The following ZNF148 variants were observed in gnomAD, a reference collection of about 807,000 sequenced individuals.
ZNF148 encodes the protein Beta-Enolase Repressor Factor-1.
In ZNF148, 7 loss-of-function variants were observed where a neutral mutation model predicts 67.7. The observed-to-expected ratio is 0.10, with a 90% CI of 0.06 to 0.19. The LOEUF is 0.19. Ranked by LOEUF, ZNF148 falls within the 10% of genes least tolerant of loss-of-function variation. The pLI is 1.00. For synonymous variants in ZNF148, 333 were observed against 330.7 expected, an observed-to-expected ratio of 1.01 and a Z score of -0.08; for missense variants, 583 against 947.1, an observed-to-expected ratio of 0.62 and a Z score of 5.05.
rs1560163737 is a variant in ZNF148, at chr3:125,313,540, C to G, written c.101G>C (p.Gly34Ala). The G allele has an allele frequency of 6.2e-7, 1 of 1,614,160 alleles. No individual in the cohort carries two copies. Among genetic ancestry groups the G allele is most frequent in the Non-Finnish European group, 8.5e-7 (1 of 1,180,016 alleles). Residue 34 changes from glycine (G) to alanine (A), a missense_variant, in exon 4 of 9, where the codon GGC becomes GCC. Gly to Ala is a moderately conservative substitution (Grantham distance 60). Around this residue, in one of 5 missense-constraint regions of ZNF148, gnomAD observed 150 missense variants for 202.5 expected, o/e 0.74. Transcript: ENST00000360647. The part of the protein sequence containing the change: ...RTMVVMGGVS[G>A]QSTVSGELQD... Reference sequence around the variant, plus strand: ...TAGCTCTCCAGACACAGTAGACTGGCCAGACACTCCACCCATTACAACCAT... The same window carrying G: ...TAGCTCTCCAGACACAGTAGACTGGGCAGACACTCCACCCATTACAACCAT...
At chr3:125,340,904 C>T (rs1026898647) in intron 1 of ZNF148, among the ~76,000 whole-genome samples, 14 of 142,200 alleles carry the variant, frequency 9.8e-5, no homozygotes, top group South Asian at 2.3e-4. Flanking sequence ...AGGAGAATGG[C>T]GTGAACCCAG....
intron 1 of ZNF148, among the ~76,000 whole-genome samples, chr3:125,337,543 T>A (rs1392444606): frequency 2.0e-5 from 3 of 152,206 alleles, no homozygotes; most frequent in Non-Finnish European, 4.4e-5. Flanking sequence ...TTGTAAATAA[T>A]CATGATACAC....
At chr3:125,345,639 A>ATAGCAGTACATCAGT (rs1485921091) in intron 1 of ZNF148, among the ~76,000 whole-genome samples, 3 of 152,120 alleles carry the variant, frequency 2.0e-5, no homozygotes, top group Middle Eastern at 6.3e-3. Flanking sequence ...TCAGGTATGA[A>ATAGCAGTACATCAGT]ACAGAACATC....
intron 5 of ZNF148, among the ~76,000 whole-genome samples, chr3:125,285,554 TA>T (rs371516524): frequency 2.4e-4 from 35 of 147,872 alleles, no homozygotes; most frequent in Admixed American, 4.1e-4. Context: ...GTTCTTTATT[TA>T]AAAAAAAAAA....
At chr3:125,335,508 TAA>T (rs1051772737) in intron 1 of ZNF148, among the ~76,000 whole-genome samples, 9 of 152,188 alleles carry the variant, frequency 5.9e-5, no homozygotes, top group South Asian at 2.1e-4. Flanking sequence ...GTCTTAACAA[TAA>T]AGAGATTCAA....
chr3:125,262,007 C>T (rs764239920), intron 7 of ZNF148, among the ~76,000 whole-genome samples: 1 of 152,044 alleles, frequency 6.6e-6, no homozygotes, highest in African/African-American at 2.4e-5. Context: ...TTTCACCATA[C>T]AGTTCTACTA....
chr3:125,345,471 A>G (rs1461002751), intron 1 of ZNF148, among the ~76,000 whole-genome samples: 2 of 152,164 alleles, frequency 1.3e-5, no homozygotes, highest in Admixed American at 1.3e-4. Flanking sequence ...GAAACTAAAA[A>G]AGAGCAAAAT....
At chr3:125,250,633 C>A (rs1936799124) in intron 7 of ZNF148, among the ~76,000 whole-genome samples, 1 of 152,176 alleles carries the variant, frequency 6.6e-6, no homozygotes, top group Non-Finnish European at 1.5e-5. Context: ...TAAGTTGTTA[C>A]TAGTGTCTGG....
chr3:125,301,021 T>C (rs1265363671), intron 4 of ZNF148, among the ~76,000 whole-genome samples: 1 of 152,124 alleles, frequency 6.6e-6, no homozygotes, highest in Non-Finnish European at 1.5e-5. Context: ...TATAGTGCTA[T>C]CTAATAAAAT....
At chr3:125,253,771 T>G (rs1233312230) in intron 7 of ZNF148, among the ~76,000 whole-genome samples, 1 of 152,178 alleles carries the variant, frequency 6.6e-6, no homozygotes, top group Non-Finnish European at 1.5e-5. Flanking sequence ...AAAGTTGATG[T>G]TGTCATGATA....
chr3:125,296,579 A>C (rs1414200031), intron 4 of ZNF148, among the ~76,000 whole-genome samples: 1 of 152,236 alleles, frequency 6.6e-6, no homozygotes, highest in African/African-American at 2.4e-5. Context: ...CTCATACACT[A>C]CTAGAGGGTC....
chr3:125,310,397 A>G (rs907670496), intron 4 of ZNF148, among the ~76,000 whole-genome samples: 1 of 152,190 alleles, frequency 6.6e-6, no homozygotes, highest in African/African-American at 2.4e-5. Flanking sequence ...AAATCTTAAC[A>G]GAAATTTTAA....
chr3:125,305,880 G>A (rs1939852274), intron 4 of ZNF148, among the ~76,000 whole-genome samples: 1 of 150,512 alleles, frequency 6.6e-6, no homozygotes. Context: ...ACCAACAATA[G>A]CCAGAATACA....
chr3:125,240,166 T>TC (rs1321448955), intron 7 of ZNF148, among the ~76,000 whole-genome samples: 1 of 152,222 alleles, frequency 6.6e-6, no homozygotes, highest in Non-Finnish European at 1.5e-5. Context: ...GTTATTTTTT[T>TC]CCCTCAAGGA....
intron 4 of ZNF148, among the ~76,000 whole-genome samples, chr3:125,297,303 A>T (rs1939337156): frequency 6.6e-6 from 1 of 152,172 alleles, no homozygotes; most frequent in South Asian, 2.1e-4. Context: ...TTCCCAGTGG[A>T]TTACTGATCT....
intron 7 of ZNF148, among the ~76,000 whole-genome samples, chr3:125,236,221 T>C (rs968043769): frequency 6.6e-6 from 1 of 152,128 alleles, no homozygotes; most frequent in African/African-American, 2.4e-5. Flanking sequence ...CCTTACACAA[T>C]TAAAAAAAAA....
chr3:125,367,778 C>T (rs897688353), intron 1 of ZNF148, among the ~76,000 whole-genome samples: 3 of 152,142 alleles, frequency 2.0e-5, no homozygotes, highest in African/African-American at 7.2e-5. Context: ...TTGACTCATG[C>T]TCTTCTCTCA....
intron 4 of ZNF148, among the ~76,000 whole-genome samples, chr3:125,299,045 T>C (rs575725912): frequency 5.9e-5 from 9 of 152,366 alleles, no homozygotes; most frequent in African/African-American, 2.2e-4. Context: ...TCTTTGGAAT[T>C]AGAGTAGTAG....
rs1204260623 is a variant in ZNF148, at chr3:125,302,493, ATTTCT to A, written c.333+10810_333+10814del. 5.9e-5 allele frequency among the ~76,000 whole-genome samples: 9 copies of A among 152,338 alleles called. No homozygotes were observed. In the East Asian group the frequency reaches 1.7e-3, roughly 29 times the overall value. Reference sequence around the variant, plus strand: ...CCATAAGTAAGAAGTAAGGGATAGAATTTCTCATGTCTCTTATGTTCTACTATAAA... The same window carrying A: ...CCATAAGTAAGAAGTAAGGGATAGAACATGTCTCTTATGTTCTACTATAAA... On this transcript the variant is annotated intron_variant, in intron 4 of 8. Transcript: ENST00000360647.
Sources: allele counts gnomAD v4.1 joint callset (sites outside exome capture counted in the v4.1 genomes callset), GRCh38; gene constraint gnomAD v4.1.1; regional missense constraint gnomAD v4.1.1; transcripts MANE v1.5; gene names NCBI Gene and HGNC (gene_info 2026-07-23, HGNC 2026-07-21).